The following RCOR1 variants were observed in gnomAD, a reference collection of about 807,000 sequenced individuals.
The protein encoded by RCOR1 is REST corepressor 1.
Under a neutral mutation model 64.0 loss-of-function variants are expected in RCOR1, and 12 were observed. The observed-to-expected ratio is 0.19, with a 90% CI of 0.12 to 0.30. RCOR1 has a LOEUF of 0.30. RCOR1 is among the 10% of genes least tolerant of loss of function. The pLI, the probability that RCOR1 is intolerant of heterozygous loss-of-function variation, is 1.00. For missense variants in RCOR1, 502 were observed against 621.2 expected (o/e 0.81, Z 2.04); for synonymous variants, 279 against 227.2 (o/e 1.23, Z -2.05).
intron 2 of RCOR1, among the ~76,000 whole-genome samples, chr14:102,613,900 T>C (rs1004425413): frequency 6.9e-6 from 1 of 144,544 alleles, no homozygotes; most frequent in African/African-American, 2.6e-5. Flanking sequence ...TTTTTTTTTT[T>C]TTTTTTTTTG....
chr14:102,684,133 C>A (rs1260083313), intron 3 of RCOR1, among the ~76,000 whole-genome samples: 1 of 152,194 alleles, frequency 6.6e-6, no homozygotes, highest in Non-Finnish European at 1.5e-5. Flanking sequence ...CACGGGAGGC[C>A]CCAGCACCCC....
chr14:102,609,679 T>G (rs1412725843), intron 2 of RCOR1, among the ~76,000 whole-genome samples: 2 of 151,680 alleles, frequency 1.3e-5, no homozygotes, highest in Non-Finnish European at 2.9e-5. Flanking sequence ...GGTCCTGACC[T>G]CAGGTGATCT....
chr14:102,633,509 G>GGA (rs1338880324), intron 2 of RCOR1, among the ~76,000 whole-genome samples: 1 of 151,890 alleles, frequency 6.6e-6, no homozygotes, highest in Non-Finnish European at 1.5e-5. Flanking sequence ...ATAATTTGAA[G>GGA]GAGAGTTAGT....
chr14:102,678,963 A>T (rs539149475), intron 2 of RCOR1, among the ~76,000 whole-genome samples: 63 of 152,282 alleles, frequency 4.1e-4, no homozygotes, highest in Middle Eastern at 3.4e-3. Flanking sequence ...TGGCCATTTT[A>T]AAAAAATTGT....
intron 2 of RCOR1, among the ~76,000 whole-genome samples, chr14:102,598,691 G>A (rs921292401): frequency 2.0e-5 from 3 of 151,520 alleles, no homozygotes; most frequent in Non-Finnish European, 2.9e-5. Context: ...CTCGTGATCC[G>A]CCCGCCTCGG....
At chr14:102,691,364 T>C (rs1264162734) in intron 3 of RCOR1, among the ~76,000 whole-genome samples, 1 of 151,950 alleles carries the variant, frequency 6.6e-6, no homozygotes, top group Non-Finnish European at 1.5e-5. Flanking sequence ...GCTGAGTGAG[T>C]CATGGGTTCA....
At chr14:102,664,131 A>T (rs912003800) in intron 2 of RCOR1, among the ~76,000 whole-genome samples, 1 of 152,082 alleles carries the variant, frequency 6.6e-6, no homozygotes, top group African/African-American at 2.4e-5. Flanking sequence ...ATTTTTTGAG[A>T]CAGTCTCACT....
chr14:102,613,593 C>T (rs1262494213), intron 2 of RCOR1, among the ~76,000 whole-genome samples: 3 of 151,798 alleles, frequency 2.0e-5, no homozygotes, highest in South Asian at 2.1e-4. Flanking sequence ...CCACTGCGCC[C>T]GGCTAATTTT....
intron 2 of RCOR1, among the ~76,000 whole-genome samples, chr14:102,624,210 A>G (rs1893933726): frequency 6.6e-6 from 1 of 150,590 alleles, no homozygotes; most frequent in Non-Finnish European, 1.5e-5. Flanking sequence ...AAATAAATAA[A>G]TAATAAAATA....
At chr14:102,608,070 C>T (rs1893551826) in intron 2 of RCOR1, among the ~76,000 whole-genome samples, 1 of 151,604 alleles carries the variant, frequency 6.6e-6, no homozygotes, top group Non-Finnish European at 1.5e-5. Context: ...AAAAAAACAA[C>T]AAAATTAACC....
At chr14:102,628,834 G>A (rs1394116619) in intron 2 of RCOR1, among the ~76,000 whole-genome samples, 3 of 151,920 alleles carry the variant, frequency 2.0e-5, no homozygotes, top group Non-Finnish European at 2.9e-5. Context: ...GATTACAGGC[G>A]TGAGGCACCA....
chr14:102,678,202 C>G (rs11486355), intron 2 of RCOR1, among the ~76,000 whole-genome samples: 104 of 148,914 alleles, frequency 7.0e-4, no homozygotes, highest in African/African-American at 2.3e-3. Flanking sequence ...GGAAGGAGAC[C>G]GTGGAGAGAG....
At chr14:102,593,909 G>C (rs907899962) in intron 2 of RCOR1, among the ~76,000 whole-genome samples, 1 of 152,250 alleles carries the variant, frequency 6.6e-6, no homozygotes, top group Non-Finnish European at 1.5e-5. Context: ...GGGGAAGAGA[G>C]TCTCGCGTGT....
At chr14:102,693,972 A>G (rs1376785236) in intron 3 of RCOR1, among the ~76,000 whole-genome samples, 5 of 152,076 alleles carry the variant, frequency 3.3e-5, no homozygotes, top group South Asian at 4.1e-4. Context: ...ATTACAGGCT[A>G]TAAGTGTGAG....
intron 5 of RCOR1, among the ~76,000 whole-genome samples, chr14:102,708,034 C>T (rs1488636049): frequency 1.4e-5 from 2 of 148,046 alleles, no homozygotes; most frequent in South Asian, 2.1e-4. Context: ...GGCGCGATCT[C>T]GGCTCACTGA....
chr14:102,705,058 A>G (rs1220021581), intron 4 of RCOR1, among the ~76,000 whole-genome samples: 1 of 152,146 alleles, frequency 6.6e-6, no homozygotes, highest in Non-Finnish European at 1.5e-5. Flanking sequence ...CCTAGAAGGC[A>G]GAGGTTGCAG....
chr14:102,620,813 G>A (rs1032519049), intron 2 of RCOR1, among the ~76,000 whole-genome samples: 6 of 152,000 alleles, frequency 3.9e-5, no homozygotes, highest in Non-Finnish European at 1.5e-5. Flanking sequence ...AGCCCTCACC[G>A]TGGTCCCCTC....
chr14:102,689,393 T>G (rs2139967986), intron 3 of RCOR1, among the ~76,000 whole-genome samples: 2 of 152,234 alleles, frequency 1.3e-5, no homozygotes, highest in Admixed American at 1.3e-4. Flanking sequence ...CCTTGTCTGT[T>G]GTTTATAGTC....
At chr14:102,665,383 T>C (rs1291858014) in intron 2 of RCOR1, among the ~76,000 whole-genome samples, 3 of 151,208 alleles carry the variant, frequency 2.0e-5, no homozygotes, top group African/African-American at 7.3e-5. Flanking sequence ...CTAATGTAAG[T>C]GTTCTGAGCA....
Sources: allele counts gnomAD v4.1 joint callset (sites outside exome capture counted in the v4.1 genomes callset), GRCh38; gene constraint gnomAD v4.1.1; transcripts MANE v1.5; gene names NCBI Gene and HGNC (gene_info 2026-07-23, HGNC 2026-07-21).